CEP95: variants seen among roughly 807,000 people sequenced by gnomAD.
The protein encoded by CEP95 is centrosomal protein of 95 kDa.
In CEP95, 98 loss-of-function variants were observed where a neutral mutation model predicts 111.2. The observed-to-expected ratio is 0.88, with a 90% CI of 0.75 to 1.04. The LOEUF (loss-of-function observed/expected upper bound fraction) is 1.04. Ranked by LOEUF, CEP95 falls within the 50% of genes least tolerant of loss-of-function variation. The probability of loss-of-function intolerance (pLI) is 0.00; values close to 1 mark genes in which losing one functional copy is unlikely to be tolerated. For synonymous variants in CEP95, 323 were observed against 327.1 expected (o/e 0.99, Z 0.14); for missense variants, 1,027 against 977.2 (o/e 1.05, Z -0.68).
intron 4 of CEP95, among the ~76,000 whole-genome samples, chr17:64,515,029 C>T (rs2039067671): frequency 6.6e-6 from 1 of 152,220 alleles, no homozygotes; most frequent in Non-Finnish European, 1.5e-5. Flanking sequence ...GTGATAGTCA[C>T]ATTTGAAATT....
In CEP95 at chr17:64,537,619, A is replaced by C. The variant is rs1234441681; in HGVS notation, c.2306A>C (p.Lys769Thr). ...KSQAQTLHKVKRELRSKMEKE... is the reference protein window; with the variant it reads ...KSQAQTLHKVTRELRSKMEKE... ...TTTTTTCAGACATTACATAAGGTGA[A>C]GAGGGAGCTGAGATCTAAGATGGAG... The change falls in exon 20 of 20, where the codon AAG becomes ACG. Residue 769 changes from lysine (K) to threonine (T), a missense_variant. Transcript: ENST00000556440. 4 of 1,609,108 alleles carry C rather than the reference A, an allele frequency of 2.5e-6. No individual in the cohort carries two copies. In the African/African-American group the frequency reaches 5.3e-5, roughly 22 times the overall value.
At position 64,507,117 on chromosome 17, in the gene CEP95, G is replaced by T; in HGVS notation, c.19+1G>T. On this transcript the variant is annotated splice_donor_variant, in intron 1 of 19. Coordinates refer to ENST00000556440, the MANE Select transcript of CEP95 (RefSeq NM_138363.3). LOFTEE classifies it high-confidence loss of function. ...TGAAACATGGCAGGCTCGGATGCTG[G>T]TGAGTGTCTCCCTGGGGTCCCAGTA... is the stretch of plus-strand genomic sequence containing the variant. 4 of 1,551,398 alleles carry T rather than the reference G, an allele frequency of 2.6e-6. No homozygotes were observed. The highest frequency in any genetic ancestry group is 3.5e-6 in the Non-Finnish European group (4 of 1,146,898).
chr17:64,532,877 G>GA lies in CEP95; in HGVS notation c.1712dup (p.Gln572AlafsTer24). On this transcript the variant is annotated frameshift_variant, in exon 15 of 20. Coordinates refer to ENST00000556440, the MANE Select transcript of CEP95 (RefSeq NM_138363.3). LOFTEE classifies it high-confidence loss of function. ...ACACAGTCTCCTGCCCCTTATGCTG[G>GA]AGCAGTTTCCGTTTCTTTATGTTTC... 1 of 1,613,758 alleles carries GA rather than the reference G, an allele frequency of 6.2e-7. No homozygotes were observed. Among genetic ancestry groups the GA allele is most frequent in the South Asian group, 1.1e-5 (1 of 91,066 alleles).
In CEP95 at chr17:64,537,918, A is replaced by T. The variant is rs1253364203; in HGVS notation, c.*139A>T. ...TATTTTCATTCCAGTACTTTTTATG[A>T]TTTTTTAAATAAAAATTGTTTTCTA... is the stretch of plus-strand genomic sequence containing the variant. On this transcript the variant is annotated 3_prime_UTR_variant, in exon 20 of 20. Coordinates refer to ENST00000556440, the MANE Select transcript of CEP95 (RefSeq NM_138363.3). 2 of 458,748 alleles carry T rather than the reference A, an allele frequency of 4.4e-6. No individual in the cohort carries two copies. The highest frequency in any genetic ancestry group is 4.0e-5 in the African/African-American group (2 of 49,772). The allele number at this position is 458,748 out of a possible 1,614,324, so 28.4% of individuals were successfully genotyped here.
At chr17:64,512,747 T>C (rs2038961042) in intron 3 of CEP95, among the ~76,000 whole-genome samples, 1 of 152,208 alleles carries the variant, frequency 6.6e-6, no homozygotes, top group African/African-American at 2.4e-5. Flanking sequence ...AATGCAGTTC[T>C]AGGTGAGTGA....
At chr17:64,512,891 G>T (rs919142939) in intron 3 of CEP95, among the ~76,000 whole-genome samples, 3 of 152,024 alleles carry the variant, frequency 2.0e-5, no homozygotes, top group African/African-American at 7.2e-5. Context: ...ACTATAGCAG[G>T]GTTATAAACA....
chr17:64,526,329 C>T lies in CEP95; in HGVS notation c.1152+129C>T, dbSNP rs1259545002. ...ATTAATAGTTACTGTGAAAATGTTC[C>T]GTAAGTCAAGCAGGTAGAACAGGAA... On this transcript the variant is annotated intron_variant, in intron 10 of 19. Coordinates refer to ENST00000556440, the MANE Select transcript of CEP95 (RefSeq NM_138363.3). 29 of 904,084 alleles carry T rather than the reference C, an allele frequency of 3.2e-5. No individual in the cohort carries two copies. The South Asian group carries it at 3.5e-4, about 11-fold the overall frequency. The allele number at this position is 904,084 out of a possible 1,614,324, so 56.0% of individuals were successfully genotyped here. A position where few individuals can be genotyped will look rare whatever the true frequency, so the allele number is the denominator to read the frequency against.
At chr17:64,521,287 C>T (rs1568136688) in intron 6 of CEP95, 115 bp from the exon 7 acceptor site, 3 of 690,400 alleles carry the variant, frequency 4.3e-6, no homozygotes, top group Admixed American at 3.0e-5. Context: ...AACATTATTT[C>T]GTTCAACATT....
intron 10 of CEP95, among the ~76,000 whole-genome samples, chr17:64,526,676 G>A (rs1967848996): frequency 6.6e-6 from 1 of 152,148 alleles, no homozygotes; most frequent in Non-Finnish European, 1.5e-5. Flanking sequence ...AACTAAACAT[G>A]TATGCCAGGT....
chr17:64,521,032 TA>T (rs1456660272), intron 6 of CEP95, among the ~76,000 whole-genome samples: 1 of 151,826 alleles, frequency 6.6e-6, no homozygotes. Context: ...TCACCTGAGG[TA>T]GGAGTTCGAG....
chr17:64,525,645 A>G (rs75262331), intron 8 of CEP95, 125 bp from the exon 9 acceptor site: 21,843 of 595,736 alleles, frequency 0.037, 508 homozygotes, highest in Non-Finnish European at 0.048. Flanking sequence ...TGACAAATGC[A>G]CTTCAAAACA....
At chr17:64,533,323 C>A in intron 16 of CEP95, 132 bp downstream of exon 16, 1 of 715,338 alleles carries the variant, frequency 1.4e-6, no homozygotes, top group Admixed American at 3.4e-5. Flanking sequence ...TTGCCTAGGT[C>A]TTTAACCAAA....
chr17:64,537,018 GTTTT>G lies in CEP95; in HGVS notation c.2218-18_2218-15del, dbSNP rs200882133. Reference sequence around the variant, plus strand: ...ACTACAAACATTAAATATAATATTTGTTTTTTTTCTTCCTATAAACAGTTTTCAT... The same window carrying G: ...ACTACAAACATTAAATATAATATTTGTTTTCTTCCTATAAACAGTTTTCAT... On this transcript the variant is annotated intron_variant, in intron 18 of 19. Transcript: ENST00000556440. The G allele has an allele frequency of 6.3e-7, 1 of 1,579,014 alleles. No homozygotes were observed. Among genetic ancestry groups the G allele is most frequent in the African/African-American group, 1.4e-5 (1 of 73,168 alleles).
At chr17:64,522,620 T>C (rs782516959) in intron 7 of CEP95, 82 bp from the exon 8 acceptor site, 8 of 849,390 alleles carry the variant, frequency 9.4e-6, no homozygotes, top group Non-Finnish European at 1.5e-5. Context: ...TGAACATGTT[T>C]ATATAGGTAT....
chr17:64,508,428 C>T (rs1213861658), intron 1 of CEP95, 164 bp from the exon 2 acceptor site: 2 of 984,442 alleles, frequency 2.0e-6, no homozygotes, highest in African/African-American at 3.5e-5. Flanking sequence ...TTTTAAAAAC[C>T]ATGCCTAAAG....
At chr17:64,506,770 C>A, upstream of CEP95, 1 of 518,830 alleles carries the variant, frequency 1.9e-6, no homozygotes. Flanking sequence ...GTGCGCTGCT[C>A]GCACCCCGGG....
intron 5 of CEP95, among the ~76,000 whole-genome samples, chr17:64,518,701 A>G (rs1245153992): frequency 6.6e-6 from 1 of 151,076 alleles, no homozygotes; most frequent in African/African-American, 2.4e-5. Flanking sequence ...TTTTTTTGAG[A>G]CAGAGTTTTG....
chr17:64,520,937 A>G (rs1345126777), intron 6 of CEP95, among the ~76,000 whole-genome samples: 1 of 152,228 alleles, frequency 6.6e-6, no homozygotes, highest in Admixed American at 6.5e-5. Flanking sequence ...ACTTTCTGAT[A>G]GCAATTAAAA....
In CEP95 at chr17:64,537,602, GACATT is replaced by G. The variant is rs781806075; in HGVS notation, c.2294_2298del (p.Leu765Ter). On this transcript the variant is annotated frameshift_variant and splice_region_variant, in exon 20 of 20. Coordinates refer to ENST00000556440, the MANE Select transcript of CEP95 (RefSeq NM_138363.3). LOFTEE classifies it high-confidence loss of function. Reference sequence around the variant, plus strand: ...CGGGATGACATGCCTTCTTTTTTCAGACATTACATAAGGTGAAGAGGGAGCTGAGA... The same window carrying G: ...CGGGATGACATGCCTTCTTTTTTCAGACATAAGGTGAAGAGGGAGCTGAGA... The G allele has an allele frequency of 2.2e-4, 350 of 1,583,256 alleles. 1 individual carries two copies. The highest frequency in any genetic ancestry group is 5.0e-4 in the Middle Eastern group (3 of 5,944).
Sources: gnomAD v4.1 joint callset for allele counts (sites outside exome capture counted in the v4.1 genomes callset) on GRCh38, gnomAD v4.1.1 for gene constraint, MANE v1.5 for transcripts, NCBI Gene and HGNC (gene_info 2026-07-23, HGNC 2026-07-21) for gene names.